Variants in GATAD2B observed in about 807,000 individuals in gnomAD.
GATAD2B encodes GATA zinc finger domain containing 2B.
A neutral mutation model predicts 64.3 loss-of-function variants in GATAD2B; 8 were observed. The observed-to-expected ratio is 0.12, with a 90% confidence interval of 0.07 to 0.22. The LOEUF (loss-of-function observed/expected upper bound fraction) is 0.22, where lower values mean the gene tolerates loss of function less well. Among genes scored for constraint, GATAD2B ranks in the 10% least tolerant of loss-of-function variants. The probability of loss-of-function intolerance (pLI) is 1.00; values close to 1 mark genes in which losing one functional copy is unlikely to be tolerated. For missense variants in GATAD2B, 453 were observed against 752.0 expected (o/e 0.60, Z 4.65); for synonymous variants, 281 against 271.3 (o/e 1.04, Z -0.35).
chr1:153,843,438 C>CAA (rs150739276), intron 1 of GATAD2B, among the ~76,000 whole-genome samples: 9 of 148,022 alleles, frequency 6.1e-5, no homozygotes, highest in Non-Finnish European at 1.2e-4. Context: ...GCGACATTTA[C>CAA]AAAAAAAAAA....
At chr1:153,861,781 C>CAAAA (rs869141712) in intron 1 of GATAD2B, among the ~76,000 whole-genome samples, 14 of 85,726 alleles carry the variant, frequency 1.6e-4, no homozygotes, top group East Asian at 4.8e-4. Flanking sequence ...GACTCCATTT[C>CAAAA]AAAAAAAAAA....
rs1368424503 is a variant in GATAD2B, at chr1:153,828,308, A to G, written c.40T>C (p.Leu14=). 2.5e-6 allele frequency: 4 copies of G among 1,612,722 alleles called. No homozygotes were observed. The highest frequency in any genetic ancestry group is 1.3e-5 in the African/African-American group (1 of 74,954). The change falls in exon 2 of 11, where the codon TTG becomes CTG. Residue 14 remains leucine (L), a synonymous_variant. Transcript: ENST00000368655. The part of the protein sequence containing the change: ...MTEDALRLNL[L]KRSLDPADER... ...TCTGCTGGGTCCAAGCTCCGCTTCAACAGATTCAAGCGAAGAGCATCTTCT... is the reference window on the plus strand; with the variant it reads ...TCTGCTGGGTCCAAGCTCCGCTTCAGCAGATTCAAGCGAAGAGCATCTTCT...
intron 8 of GATAD2B, 100 bp downstream of exon 8, chr1:153,813,150 C>T: frequency 1.2e-6 from 1 of 828,396 alleles, no homozygotes; most frequent in South Asian, 1.4e-5. Flanking sequence ...AACCTGTGGA[C>T]CTGTAGGGAT....
intron 1 of GATAD2B, among the ~76,000 whole-genome samples, chr1:153,871,457 C>T (rs1380144291): frequency 6.6e-6 from 1 of 152,124 alleles, no homozygotes; most frequent in Non-Finnish European, 1.5e-5. Flanking sequence ...CTGCCTTGGC[C>T]TTCCAAAGTG....
intron 1 of GATAD2B, among the ~76,000 whole-genome samples, chr1:153,881,264 A>T (rs1032942226): frequency 6.6e-6 from 1 of 152,086 alleles, no homozygotes; most frequent in East Asian, 1.9e-4. Flanking sequence ...GGAAAAGGGG[A>T]GGGGTAGAGA....
intron 1 of GATAD2B, among the ~76,000 whole-genome samples, chr1:153,857,481 G>C (rs1474268353): frequency 6.6e-6 from 1 of 152,096 alleles, no homozygotes; most frequent in Admixed American, 6.6e-5. Flanking sequence ...CTTTGATATA[G>C]TGTCCCTTCA....
chr1:153,859,420 G>C (rs777928437), intron 1 of GATAD2B, among the ~76,000 whole-genome samples: 9 of 150,214 alleles, frequency 6.0e-5, no homozygotes, highest in Non-Finnish European at 1.3e-4. Context: ...CTATAACCCC[G>C]GCACTTTGGG....
chr1:153,894,744 C>A (rs536475792), intron 1 of GATAD2B, among the ~76,000 whole-genome samples: 28 of 152,176 alleles, frequency 1.8e-4, no homozygotes, highest in African/African-American at 5.8e-4. Flanking sequence ...CGCCTGCAGT[C>A]CCAGCTACTT....
At position 153,818,097 on chromosome 1, in the gene GATAD2B, C is replaced by A. The variant is rs748524510; in HGVS notation, c.672G>T (p.Lys224Asn). Residue 224 changes from lysine (K) to asparagine (N), a missense_variant, in exon 5 of 11, where the codon AAG (lysine) becomes AAT (asparagine). Coordinates refer to ENST00000368655, the MANE Select transcript of GATAD2B (RefSeq NM_020699.4). ...PAHVGQQGLSKLPSRPGAQGV... is the reference protein window; with the variant it reads ...PAHVGQQGLSNLPSRPGAQGV... Reference sequence around the variant, plus strand: ...CTTGGGCCCCAGGCCGAGAGGGAAGCTTAGATAGGCCCTGCTGTCCCACAT... The same window carrying A: ...CTTGGGCCCCAGGCCGAGAGGGAAGATTAGATAGGCCCTGCTGTCCCACAT... 6.2e-7 allele frequency: 1 copy of A among 1,613,296 alleles called. No homozygotes were observed. The highest frequency in any genetic ancestry group is 8.5e-7 in the Non-Finnish European group (1 of 1,179,580).
In GATAD2B at chr1:153,819,665, G is replaced by C. The variant is rs1427914859; in HGVS notation, c.406C>G (p.Pro136Ala). The C allele has an allele frequency of 6.2e-7, 1 of 1,610,992 alleles. No homozygotes were observed. Among genetic ancestry groups the C allele is most frequent in the Non-Finnish European group, 8.5e-7 (1 of 1,177,814 alleles). Reference protein sequence around the residue: ...IVLSDNEASSPRSSSRMEERL... With the variant: ...IVLSDNEASSARSSSRMEERL... The stretch of plus-strand genomic sequence containing the variant: ...TCTTCCATTCTGGAACTGGAACGGG[G>C]ACTGGAAGCCTCATTGTCAGACAAA... Residue 136 changes from proline (P) to alanine (A), a missense_variant, in exon 3 of 11, where the codon CCC (proline) becomes GCC (alanine). Physicochemically the swap from Pro to Ala is conservative, Grantham distance 27. This residue lies in a region of GATAD2B where 293 missense variants were observed against 417.2 expected (regional missense o/e 0.70). Transcript: ENST00000368655.
At chr1:153,828,920 T>C (rs1426846800) in intron 1 of GATAD2B, among the ~76,000 whole-genome samples, 2 of 152,210 alleles carry the variant, frequency 1.3e-5, no homozygotes, top group African/African-American at 4.8e-5. Context: ...AAAATCTAAA[T>C]GTAGGCCGGA....
At chr1:153,827,812 T>C (rs1450918346) in intron 2 of GATAD2B, among the ~76,000 whole-genome samples, 1 of 152,204 alleles carries the variant, frequency 6.6e-6, no homozygotes, top group African/African-American at 2.4e-5. Flanking sequence ...GAGTAAGAAC[T>C]ACGATTCTCT....
intron 1 of GATAD2B, among the ~76,000 whole-genome samples, chr1:153,899,249 T>C (rs749454098): frequency 1.3e-4 from 19 of 151,498 alleles, no homozygotes; most frequent in Non-Finnish European, 2.4e-4. Context: ...CATGGCGAGA[T>C]CTTGTCTCTT....
At position 153,812,126 on chromosome 1, in the gene GATAD2B, C is replaced by T; in HGVS notation, c.1426G>A (p.Glu476Lys). The stretch of plus-strand genomic sequence containing the variant: ...GCTGCCTGCTGCTGTAATCGCTGTT[C>T]AATTTCCTGTTGGGAGTCATCACAT... ...VKALQQEQEI[E>K]QRLQQQAALS... The change falls in exon 9 of 11, where the codon GAA becomes AAA. Residue 476 changes from glutamate (E) to lysine (K), a missense_variant. This residue lies in a region of GATAD2B where 160 missense variants were observed against 334.7 expected (regional missense o/e 0.48). Transcript: ENST00000368655. 6.3e-7 allele frequency: 1 copy of T among 1,598,056 alleles called. No individual in the cohort carries two copies.
intron 8 of GATAD2B, among the ~76,000 whole-genome samples, 153 bp downstream of exon 8, chr1:153,813,097 G>A (rs564618717): frequency 1.3e-5 from 2 of 152,156 alleles, no homozygotes; most frequent in South Asian, 2.1e-4. Context: ...CAGAATACTC[G>A]CTCAAATGGA....
intron 1 of GATAD2B, chr1:153,898,753 T>C (rs1447838025): frequency 6.6e-6 from 1 of 152,196 alleles, no homozygotes; most frequent in Non-Finnish European, 1.5e-5. Flanking sequence ...TCACCTTCAC[T>C]GTAAAAGCAG....
At chr1:153,901,139 G>A (rs749463546) in intron 1 of GATAD2B, among the ~76,000 whole-genome samples, 19 of 151,824 alleles carry the variant, frequency 1.3e-4, no homozygotes, top group Non-Finnish European at 2.1e-4. Flanking sequence ...CCTTGAACCC[G>A]GAAGGCAGAG....
chr1:153,897,130 C>T (rs972160278), intron 1 of GATAD2B, among the ~76,000 whole-genome samples: 4 of 151,214 alleles, frequency 2.6e-5, no homozygotes, highest in East Asian at 2.0e-4. Context: ...CTGGGGTTCA[C>T]GCCATTCTCC....
chr1:153,874,992 CA>C (rs1393017022), intron 1 of GATAD2B, among the ~76,000 whole-genome samples: 1 of 151,882 alleles, frequency 6.6e-6, no homozygotes, highest in Non-Finnish European at 1.5e-5. Context: ...TCAATCTTCC[CA>C]CCTCAGCCTC....
Sources: gnomAD v4.1 joint callset for allele counts (sites outside exome capture counted in the v4.1 genomes callset) on GRCh38, gnomAD v4.1.1 for gene constraint, gnomAD v4.1.1 regional missense constraint, MANE v1.5 for transcripts, NCBI Gene and HGNC (gene_info 2026-07-23, HGNC 2026-07-21) for gene names.